The following AKAP6 variants were observed in gnomAD, a reference collection of about 807,000 sequenced individuals.
The protein encoded by AKAP6 is A-kinase anchoring protein 6.
Under a neutral mutation model 188.5 loss-of-function variants are expected in AKAP6, and 58 were observed. That is an observed-to-expected ratio of 0.31 (90% confidence interval 0.25 to 0.38). The LOEUF is 0.38. AKAP6 is among the 10% of genes least tolerant of loss of function. The pLI is 1.00. For synonymous variants in AKAP6, 989 were observed against 998.6 expected (o/e 0.99, Z 0.18); for missense variants, 2,710 against 2,740.0 (o/e 0.99, Z 0.24).
intron 1 of AKAP6, among the ~76,000 whole-genome samples, chr14:32,428,197 A>G (rs1890096658): frequency 6.6e-6 from 1 of 152,146 alleles, no homozygotes; most frequent in Admixed American, 6.6e-5. Context: ...ATTCTTCTGA[A>G]CCATGACTGG....
chr14:32,577,345 T>C, intron 5 of AKAP6, 103 bp downstream of exon 5: 1 of 1,494,216 alleles, frequency 6.7e-7, no homozygotes, highest in South Asian at 1.3e-5. Context: ...AAGGTTACTA[T>C]ATGTCAATGA....
At position 32,541,383 on chromosome 14, in the gene AKAP6, A is replaced by G. The variant is rs1051164009; in HGVS notation, c.577-3847A>G. Among the ~76,000 whole-genome samples, 23 of 151,908 alleles carry G rather than the reference A, an allele frequency of 1.5e-4. 1 individual carries two copies. Among genetic ancestry groups the G allele is most frequent in the Admixed American group, 1.3e-4 (2 of 15,226 alleles). ...ATTCATGTAACATCACTGATTGAGC[A>G]TCAGTTATTCTCGAGCAAGACAGTA... is the stretch of plus-strand genomic sequence containing the variant. On this transcript the variant is annotated intron_variant, in intron 3 of 13. Transcript: ENST00000280979.
At chr14:32,514,232 A>G (rs558478878) in intron 2 of AKAP6, among the ~76,000 whole-genome samples, 5 of 152,214 alleles carry the variant, frequency 3.3e-5, no homozygotes, top group Admixed American at 1.3e-4. Context: ...CTTTGATCCT[A>G]TGAGGCTTCA....
chr14:32,544,517 G>A (rs1212107893), intron 3 of AKAP6, among the ~76,000 whole-genome samples: 1 of 152,132 alleles, frequency 6.6e-6, no homozygotes, highest in African/African-American at 2.4e-5. Context: ...TAGTAAGAAA[G>A]ATGGGCACTT....
chr14:32,556,809 T>A (rs1466124845), intron 4 of AKAP6, among the ~76,000 whole-genome samples: 1 of 152,222 alleles, frequency 6.6e-6, no homozygotes, highest in African/African-American at 2.4e-5. Flanking sequence ...TTTGGTGCCA[T>A]AACCGAGAAT....
intron 2 of AKAP6, among the ~76,000 whole-genome samples, chr14:32,510,436 G>GTATATATATATACATATATA (rs1555335161): frequency 6.6e-5 from 2 of 30,232 alleles, no homozygotes; most frequent in Admixed American, 4.3e-4. Context: ...ATATATATAT[G>GTATATATATATACATATATA]TGTATATATA....
intron 2 of AKAP6, among the ~76,000 whole-genome samples, chr14:32,434,696 C>T (rs1594609991): frequency 1.3e-5 from 2 of 152,218 alleles, no homozygotes; most frequent in East Asian, 3.9e-4. Flanking sequence ...AAAGGTCAAA[C>T]ATTCTTGGAT....
chr14:32,404,775 A>G (rs1376703464), intron 1 of AKAP6, among the ~76,000 whole-genome samples: 1 of 142,900 alleles, frequency 7.0e-6, no homozygotes, highest in Non-Finnish European at 1.5e-5. Flanking sequence ...GAGTTAAAAT[A>G]AAACTAAATT....
chr14:32,684,971 CG>C (rs1566645773), intron 8 of AKAP6, among the ~76,000 whole-genome samples: 1 of 151,964 alleles, frequency 6.6e-6, no homozygotes, highest in African/African-American at 2.4e-5. Context: ...GAACAATGGG[CG>C]GGGCTGGGCA....
intron 12 of AKAP6, among the ~76,000 whole-genome samples, chr14:32,785,185 G>A (rs1255093991): frequency 6.6e-6 from 1 of 151,952 alleles, no homozygotes; most frequent in African/African-American, 2.4e-5. Context: ...TCCTTCCAAT[G>A]AAAATTGGCT....
chr14:32,346,710 A>T (rs9322893), intron 1 of AKAP6, among the ~76,000 whole-genome samples: 27,652 of 152,048 alleles, frequency 0.18, 2,666 homozygotes, highest in East Asian at 0.4. Flanking sequence ...GGGTTTCACC[A>T]TGTTAGCCAG....
chr14:32,613,781 T>C (rs1886446570), intron 7 of AKAP6, among the ~76,000 whole-genome samples: 1 of 152,162 alleles, frequency 6.6e-6, no homozygotes, highest in Non-Finnish European at 1.5e-5. Context: ...TTCCTCTTCT[T>C]AACGAGCTCT....
chr14:32,657,426 C>T (rs1424722491), intron 7 of AKAP6, among the ~76,000 whole-genome samples: 1 of 152,094 alleles, frequency 6.6e-6, no homozygotes, highest in African/African-American at 2.4e-5. Context: ...AGTGCTGCTC[C>T]CTAGCTCTTT....
At chr14:32,494,409 T>C (rs1194404898) in intron 2 of AKAP6, 2 of 152,222 alleles carry the variant, frequency 1.3e-5, no homozygotes, top group Admixed American at 1.3e-4. Flanking sequence ...TTCCACTGTT[T>C]ATTTTTTTGC....
At chr14:32,827,232 T>C (rs772741645) in intron 13 of AKAP6, among the ~76,000 whole-genome samples, 4 of 152,182 alleles carry the variant, frequency 2.6e-5, no homozygotes, top group Admixed American at 2.0e-4. Context: ...TCATTGTTCT[T>C]ACTACAAGTT....
In AKAP6 at chr14:32,825,711, G is replaced by T. The variant is rs74942035; in HGVS notation, c.*42+896G>T. ...TCTCAATCAAGTTTAAAGAAAATTT[G>T]AGCTTTCAAATGTGAGAGTCATATT... is the stretch of plus-strand genomic sequence containing the variant. On this transcript the variant is annotated intron_variant, in intron 13 of 13. Transcript: ENST00000280979. Among the ~76,000 whole-genome samples, 978 of 152,210 alleles carry T rather than the reference G, an allele frequency of 6.4e-3. 9 individuals are homozygous for T. Among genetic ancestry groups the T allele is most frequent in the African/African-American group, 0.021 (892 of 41,536 alleles).
intron 9 of AKAP6, among the ~76,000 whole-genome samples, chr14:32,726,531 C>T (rs927998242): frequency 6.6e-6 from 1 of 152,188 alleles, no homozygotes; most frequent in Non-Finnish European, 1.5e-5. Flanking sequence ...CAATAAGATA[C>T]ATGTCAACAG....
chr14:32,761,022 A>G (rs1443779299), intron 11 of AKAP6, among the ~76,000 whole-genome samples: 1 of 152,216 alleles, frequency 6.6e-6, no homozygotes, highest in Non-Finnish European at 1.5e-5. Flanking sequence ...TTCCACCACA[A>G]ACGGAAAGGA....
chr14:32,336,200 T>C (rs1194114262), intron 1 of AKAP6, among the ~76,000 whole-genome samples: 1 of 151,694 alleles, frequency 6.6e-6, no homozygotes, highest in African/African-American at 2.4e-5. Flanking sequence ...TGGCACTTGC[T>C]GCACAGGAAA....
Sources: allele counts gnomAD v4.1 joint callset (sites outside exome capture counted in the v4.1 genomes callset), GRCh38; gene constraint gnomAD v4.1.1; transcripts MANE v1.5; gene names NCBI Gene and HGNC (gene_info 2026-07-23, HGNC 2026-07-21).